Variants in PPP2R5C observed in about 807,000 individuals in gnomAD.
PPP2R5C encodes the protein protein phosphatase 2 regulatory subunit B'gamma.
A neutral mutation model predicts 68.9 loss-of-function variants in PPP2R5C; 7 were observed. The observed-to-expected ratio is 0.10, with a 90% CI of 0.06 to 0.19. The LOEUF (loss-of-function observed/expected upper bound fraction) is 0.19. PPP2R5C is among the 10% of genes least tolerant of loss of function. PPP2R5C has a pLI of 1.00. For synonymous variants in PPP2R5C, 210 were observed against 222.2 expected, an observed-to-expected ratio of 0.95 and a Z score of 0.49; for missense variants, 348 against 641.3, an observed-to-expected ratio of 0.54 and a Z score of 4.94.
intron 2 of PPP2R5C, among the ~76,000 whole-genome samples, chr14:101,764,082 T>C (rs557682834): frequency 1.3e-5 from 2 of 151,868 alleles, no homozygotes; most frequent in African/African-American, 4.9e-5. Context: ...TTCTTGGCTT[T>C]GGCCTCATTG....
Position 101,912,487 on chromosome 14 carries a change from G to T in PPP2R5C, c.1326+14G>T, listed in dbSNP as rs1332290832. On this transcript the variant is annotated intron_variant, in intron 12 of 13. Coordinates refer to ENST00000334743, the Ensembl canonical transcript of PPP2R5C. Reference sequence around the variant, plus strand: ...GCCAATCCCCAGGTACTAAAAAAGAGAATAACATGAAAACGCCCAGGGTTA... The same window carrying T: ...GCCAATCCCCAGGTACTAAAAAAGATAATAACATGAAAACGCCCAGGGTTA... The T allele has an allele frequency of 5.6e-6, 9 of 1,596,236 alleles. No homozygotes were observed. The highest frequency in any genetic ancestry group is 7.7e-6 in the Non-Finnish European group (9 of 1,174,674).
intron 1 of PPP2R5C, among the ~76,000 whole-genome samples, chr14:101,837,071 C>T (rs1647506844): frequency 6.6e-6 from 1 of 152,190 alleles, no homozygotes; most frequent in Admixed American, 6.5e-5. Flanking sequence ...TTACTGTGAG[C>T]CAGTAGAGAC....
chr14:101,919,982 A>AC (rs2046923113), intron 13 of PPP2R5C, among the ~76,000 whole-genome samples: 1 of 148,034 alleles, frequency 6.8e-6, no homozygotes, highest in African/African-American at 2.6e-5. Flanking sequence ...AAAAAAAAAA[A>AC]AAAAAAAAAA....
chr14:101,917,838 T>G lies in PPP2R5C; in HGVS notation c.1334T>G (p.Val445Gly). The G allele has an allele frequency of 6.2e-7, 1 of 1,613,452 alleles. No homozygotes were observed. Among genetic ancestry groups the G allele is most frequent in the Non-Finnish European group, 8.5e-7 (1 of 1,179,580 alleles). ...CCACGCTTTGCATTGCAGTACACAG[T>G]GTATAGTCAAGCCAGCACCATGAGC... The change falls in exon 13 of 14, where the codon GTG (valine) becomes GGG (glycine). Residue 445 changes from valine (V) to glycine (G), a missense_variant. Val to Gly is a moderately radical substitution (Grantham distance 109, BLOSUM62 -3). Around this residue, in one of 4 missense-constraint regions of PPP2R5C, gnomAD observed 118 missense variants for 108.9 expected, o/e 1.08. Transcript: ENST00000334743. The surrounding 1 kb of genome is among the most constrained non-coding windows in gnomAD (Gnocchi z 4.4).
chr14:101,765,006 C>G (rs1007647312), intron 2 of PPP2R5C: 3 of 598,036 alleles, frequency 5.0e-6, no homozygotes, highest in Non-Finnish European at 9.0e-6. Flanking sequence ...AAGTTTAAAC[C>G]TGAAAAATCT....
At chr14:101,762,557 T>A (rs2036610253) in intron 1 of PPP2R5C, among the ~76,000 whole-genome samples, 1 of 152,086 alleles carries the variant, frequency 6.6e-6, no homozygotes, top group Non-Finnish European at 1.5e-5. Context: ...TAGCGTTTCA[T>A]TATCACCCCA....
At chr14:101,852,736 C>T (rs933089764) in intron 1 of PPP2R5C, among the ~76,000 whole-genome samples, 7 of 152,054 alleles carry the variant, frequency 4.6e-5, no homozygotes, top group African/African-American at 1.7e-4. Context: ...CCTCCCAAAG[C>T]GCTGGGATTA....
upstream of PPP2R5C, among the ~76,000 whole-genome samples, chr14:101,806,263 C>T (rs1361406052): frequency 4.0e-5 from 6 of 151,384 alleles, no homozygotes; most frequent in Non-Finnish European, 8.8e-5. Flanking sequence ...ACCCCCTGTC[C>T]CCCACCCCCC....
intron 6 of PPP2R5C, among the ~76,000 whole-genome samples, chr14:101,890,650 T>C (rs753038648): frequency 6.6e-6 from 1 of 152,146 alleles, no homozygotes; most frequent in South Asian, 2.1e-4. Context: ...ACATTTGGGG[T>C]ATCATGTAAA....
At chr14:101,799,529 G>T (rs2038768535) in intron 3 of PPP2R5C, among the ~76,000 whole-genome samples, 1 of 152,216 alleles carries the variant, frequency 6.6e-6, no homozygotes, top group African/African-American at 2.4e-5. Context: ...GCCCCTCCCT[G>T]AGCAGGTGAT....
chr14:101,813,907 A>G (rs191320663), intron 1 of PPP2R5C, among the ~76,000 whole-genome samples: 22 of 152,330 alleles, frequency 1.4e-4, no homozygotes, highest in African/African-American at 5.1e-4. Flanking sequence ...TGAGTCACCA[A>G]TTTGTTGAAG....
chr14:101,804,919 C>T (rs1038189494), upstream of PPP2R5C, among the ~76,000 whole-genome samples: 1 of 152,148 alleles, frequency 6.6e-6, no homozygotes, highest in Non-Finnish European at 1.5e-5. Flanking sequence ...TACCCCATTC[C>T]CATTCTCCAT....
At chr14:101,924,687 C>A (rs975698483) in intron 13 of PPP2R5C, among the ~76,000 whole-genome samples, 1 of 151,834 alleles carries the variant, frequency 6.6e-6, no homozygotes, top group African/African-American at 2.4e-5. Flanking sequence ...GTGATCCGTC[C>A]GCCTCGGCCT....
At chr14:101,855,686 C>T (rs991311915) in intron 1 of PPP2R5C, among the ~76,000 whole-genome samples, 4 of 152,266 alleles carry the variant, frequency 2.6e-5, no homozygotes, top group Non-Finnish European at 5.9e-5. Flanking sequence ...CAGTCAGTCC[C>T]GTTTATTCGT....
At chr14:101,883,119 A>G in intron 3 of PPP2R5C, 138 bp from the exon 6 acceptor site, 2 of 624,260 alleles carry the variant, frequency 3.2e-6, no homozygotes, top group South Asian at 4.2e-5. Flanking sequence ...AAGCCATGTA[A>G]TTTAGCATTA....
chr14:101,820,016 T>G (rs1481864321), intron 1 of PPP2R5C: 1 of 152,168 alleles, frequency 6.6e-6, no homozygotes, highest in Non-Finnish European at 1.5e-5. Flanking sequence ...AAAGCGCCCA[T>G]GTGATGTGTG....
chr14:101,919,986 A>AAC (rs2046925232), intron 13 of PPP2R5C, among the ~76,000 whole-genome samples: 1 of 151,682 alleles, frequency 6.6e-6, no homozygotes, highest in African/African-American at 2.4e-5. Flanking sequence ...AAAAAAAAAA[A>AAC]AAAAAACCAA....
In PPP2R5C at chr14:101,888,627, T is replaced by A. The variant is rs1048074841; in HGVS notation, c.630-1610T>A. On this transcript the variant is annotated intron_variant, in intron 5 of 13. Transcript: ENST00000334743. The surrounding 1 kb of genome is among the most constrained non-coding windows in gnomAD (Gnocchi z 5.6). Reference sequence around the variant, plus strand: ...GTTTTTTGTTTTGAAACAGGGTCTCTGTTGCCCAGGCTGGAATGCAGTGGC... The same window carrying A: ...GTTTTTTGTTTTGAAACAGGGTCTCAGTTGCCCAGGCTGGAATGCAGTGGC... Among the ~76,000 whole-genome samples, 9 of 152,204 alleles carry A rather than the reference T, an allele frequency of 5.9e-5. No homozygotes were observed. The highest frequency in any genetic ancestry group is 2.2e-4 in the African/African-American group (9 of 41,448).
chr14:101,783,263 C>G (rs2037919414), intron 2 of PPP2R5C, among the ~76,000 whole-genome samples: 3 of 94,692 alleles, frequency 3.2e-5, no homozygotes, highest in Non-Finnish European at 6.4e-5. Flanking sequence ...TCTCCTTCTC[C>G]CCCTCTCTGA....
Sources: allele counts gnomAD v4.1 joint callset (sites outside exome capture counted in the v4.1 genomes callset), GRCh38; gene constraint gnomAD v4.1.1; regional missense constraint gnomAD v4.1.1; non-coding constraint Gnocchi (gnomAD v3.1); transcripts MANE v1.5; gene names NCBI Gene and HGNC (gene_info 2026-07-23, HGNC 2026-07-21).